Variants in COBLL1 observed in about 807,000 individuals in gnomAD.
COBLL1 encodes the protein cordon-bleu protein-like 1.
In COBLL1, 50 loss-of-function variants were observed where a neutral mutation model predicts 94.8. The ratio of observed to expected loss-of-function variants is 0.53; its 90% CI spans 0.42 to 0.67. The LOEUF is 0.67. COBLL1 is among the 30% of genes least tolerant of loss of function. The pLI is 0.00. For synonymous variants in COBLL1, 448 were observed against 473.8 expected (o/e 0.95, Z 0.71); for missense variants, 1,362 against 1,348.7 (o/e 1.01, Z -0.15).
intron 2 of COBLL1, among the ~76,000 whole-genome samples, chr2:164,744,277 C>G (rs973470495): frequency 2.0e-5 from 3 of 152,024 alleles, no homozygotes; most frequent in Admixed American, 1.3e-4. Context: ...TAACTCTTAC[C>G]TTTGGGCCCT....
intron 1 of COBLL1, among the ~76,000 whole-genome samples, chr2:164,674,940 A>G (rs1232886573): frequency 1.3e-5 from 2 of 152,216 alleles, no homozygotes; most frequent in Non-Finnish European, 2.9e-5. Flanking sequence ...GTGAAATTTC[A>G]TATCTGTGAC....
At chr2:164,839,256 G>A (rs879873096) in intron 2 of COBLL1, among the ~76,000 whole-genome samples, 1 of 152,152 alleles carries the variant, frequency 6.6e-6, no homozygotes, top group Non-Finnish European at 1.5e-5. Flanking sequence ...AGGCTCTTTT[G>A]TACTTTCTTT....
At chr2:164,772,647 C>A (rs1305471469) in intron 2 of COBLL1, among the ~76,000 whole-genome samples, 2 of 152,004 alleles carry the variant, frequency 1.3e-5, no homozygotes, top group Non-Finnish European at 2.9e-5. Context: ...TTTTAAGTCA[C>A]CAAACTTTCA....
At chr2:164,784,627 C>G (rs1688863711) in intron 2 of COBLL1, among the ~76,000 whole-genome samples, 1 of 152,072 alleles carries the variant, frequency 6.6e-6, no homozygotes, top group Non-Finnish European at 1.5e-5. Flanking sequence ...TCCCTTCCTT[C>G]TGTTTGCATA....
chr2:164,704,348 T>C, intron 9 of COBLL1, 96 bp downstream of exon 9: 1 of 836,602 alleles, frequency 1.2e-6, no homozygotes, highest in Non-Finnish European at 2.0e-6. Context: ...AATCTGTATC[T>C]CTTTCATGTA....
intron 2 of COBLL1, among the ~76,000 whole-genome samples, chr2:164,835,895 CAGTACCTAGAAAAAT>C (rs1683297204): frequency 6.6e-6 from 1 of 152,032 alleles, no homozygotes; most frequent in African/African-American, 2.4e-5. Context: ...GCCTATTTCC[CAGTACCTAGAAAAAT>C]ATGTTTTATA....
At position 164,699,570 on chromosome 2, in the gene COBLL1, C is replaced by A. The variant is rs911083427; in HGVS notation, c.1461-71G>T. 7 of 793,856 alleles carry A rather than the reference C, an allele frequency of 8.8e-6. No individual in the cohort carries two copies. The African/African-American group carries it at 1.0e-4, about 12-fold the overall frequency. 49.2% of individuals were successfully genotyped at this position (793,856 alleles called of 1,614,324 possible). A position where few individuals can be genotyped will look rare whatever the true frequency, so the allele number is the denominator to read the frequency against. ...ACACACATACACACACACACAGACA[C>A]ACACACACACAATGAGAAACAGGCA... On this transcript the variant is annotated intron_variant, in intron 10 of 13. Transcript: ENST00000652658.
chr2:164,821,812 T>C (rs1685181917), intron 2 of COBLL1, among the ~76,000 whole-genome samples: 1 of 152,214 alleles, frequency 6.6e-6, no homozygotes, highest in African/African-American at 2.4e-5. Context: ...ATTCCATGAA[T>C]TCATGAGTTA....
intron 2 of COBLL1, 123 bp from the exon 3 acceptor site, chr2:164,743,998 CA>C (rs1179603448): frequency 1.5e-6 from 1 of 676,900 alleles, no homozygotes; most frequent in Non-Finnish European, 2.3e-6. Context: ...AAATGTTCTA[CA>C]ATGTTAACTG....
At chr2:164,703,036 A>C (rs1574437981) in intron 9 of COBLL1, 4 of 872,992 alleles carry the variant, frequency 4.6e-6, no homozygotes, top group Non-Finnish European at 7.4e-6. Flanking sequence ...AGCTCATCAA[A>C]TTTACAGTCG....
Position 164,840,698 on chromosome 2 carries a change from T to G in COBLL1, c.41+458A>C, listed in dbSNP as rs1477295663. The G allele has an allele frequency of 1.9e-5, 3 of 155,174 alleles. No homozygotes were observed. In the Admixed American group the frequency reaches 2.0e-4, roughly 10 times the overall value. 9.6% of individuals were successfully genotyped at this position (155,174 alleles called of 1,614,324 possible). A position where few individuals can be genotyped will look rare whatever the true frequency, so the allele number is the denominator to read the frequency against. On this transcript the variant is annotated intron_variant, in intron 2 of 13. Transcript: ENST00000652658. ...CGGGCTGACAGCTGGCACACCCTCC[T>G]GTCGCCCTCCACCCGCCTGCAGAAA...
At chr2:164,686,966 G>T (rs888855992) in intron 13 of COBLL1, among the ~76,000 whole-genome samples, 1 of 152,168 alleles carries the variant, frequency 6.6e-6, no homozygotes, top group African/African-American at 2.4e-5. Flanking sequence ...ATTTAGTTTG[G>T]ACTTGGCTTC....
intron 7 of COBLL1, among the ~76,000 whole-genome samples, chr2:164,711,010 CAG>C (rs1292423133): frequency 2.0e-5 from 3 of 152,098 alleles, no homozygotes; most frequent in Non-Finnish European, 4.4e-5. Flanking sequence ...GAGAGGCTTA[CAG>C]AGAGTTTGCA....
At chr2:164,737,627 T>C (rs961893302) in intron 3 of COBLL1, among the ~76,000 whole-genome samples, 14 of 152,214 alleles carry the variant, frequency 9.2e-5, no homozygotes, top group Admixed American at 1.3e-4. Flanking sequence ...AACATATATT[T>C]ATCACACATT....
At position 164,767,227 on chromosome 2, in the gene COBLL1, A is replaced by AT. The variant is rs566730080; in HGVS notation, c.42-23353dup. 5.0e-3 allele frequency among the ~76,000 whole-genome samples: 758 copies of AT among 152,250 alleles called. 10 individuals carry two copies. Among genetic ancestry groups the AT allele is most frequent in the African/African-American group, 0.017 (698 of 41,534 alleles). On this transcript the variant is annotated intron_variant, in intron 2 of 13. Transcript: ENST00000652658. ...CACAAAACTGCATGAATGCTTTTTAATTTTTTTCTCACATATTTAAATAAG... is the reference window on the plus strand; with the variant it reads ...CACAAAACTGCATGAATGCTTTTTAATTTTTTTTCTCACATATTTAAATAAG...
chr2:164,772,971 C>A (rs943884721), intron 2 of COBLL1, among the ~76,000 whole-genome samples: 3 of 122,634 alleles, frequency 2.4e-5, no homozygotes, highest in Non-Finnish European at 5.2e-5. Flanking sequence ...TCCATGCTGA[C>A]GGAGTTAATA....
downstream of COBLL1, among the ~76,000 whole-genome samples, chr2:164,677,143 A>T (rs989813612): frequency 2.0e-5 from 3 of 152,174 alleles, no homozygotes; most frequent in African/African-American, 7.2e-5. Flanking sequence ...AGAAGGTTAT[A>T]ATTTTATATG....
At chr2:164,737,634 C>T (rs1367079286) in intron 3 of COBLL1, among the ~76,000 whole-genome samples, 2 of 152,132 alleles carry the variant, frequency 1.3e-5, no homozygotes, top group Non-Finnish European at 2.9e-5. Flanking sequence ...ATTTATCACA[C>T]ATTTGTCATC....
At chr2:164,679,242 C>T (rs137901468), downstream of COBLL1, among the ~76,000 whole-genome samples, 17 of 152,204 alleles carry the variant, frequency 1.1e-4, no homozygotes, top group African/African-American at 3.6e-4. Flanking sequence ...GGAGGTGTCC[C>T]ATATTTATAG....
Sources: allele counts gnomAD v4.1 joint callset (sites outside exome capture counted in the v4.1 genomes callset), GRCh38; gene constraint gnomAD v4.1.1; transcripts MANE v1.5; gene names NCBI Gene and HGNC (gene_info 2026-07-23, HGNC 2026-07-21).